Variants in USP34 observed in about 807,000 individuals in gnomAD.
USP34 encodes ubiquitin carboxyl-terminal hydrolase 34.
Under a neutral mutation model 460.3 loss-of-function variants are expected in USP34, and 70 were observed. That is an observed-to-expected ratio of 0.15 (90% confidence interval 0.13 to 0.19). USP34 has a LOEUF of 0.19. Ranked by LOEUF, USP34 falls within the 10% of genes least tolerant of loss-of-function variation. The pLI, the probability that USP34 is intolerant of heterozygous loss-of-function variation, is 1.00. For missense variants in USP34, 3,985 were observed against 4,236.2 expected (o/e 0.94, Z 1.65); for synonymous variants, 1,647 against 1,405.3 (o/e 1.17, Z -3.85).
In USP34 at chr2:61,256,326, T is replaced by C. The variant is rs926601722; in HGVS notation, c.6221+58A>G. 2.8e-6 allele frequency: 4 copies of C among 1,433,786 alleles called. No homozygotes were observed. In the African/African-American group the frequency reaches 4.2e-5, roughly 15 times the overall value. The allele number at this position is 1,433,786 out of a possible 1,614,324, so 88.8% of individuals were successfully genotyped here. On this transcript the variant is annotated intron_variant, in intron 48 of 79. Coordinates refer to ENST00000398571, the MANE Select transcript of USP34 (RefSeq NM_014709.4). Reference sequence around the variant, plus strand: ...CCAAAGTTTAATCTTAGTTTACCCTTAGTTTGTCTTTCACTTCTACGGTGA... The same window carrying C: ...CCAAAGTTTAATCTTAGTTTACCCTCAGTTTGTCTTTCACTTCTACGGTGA...
chr2:61,268,070 A>G (rs373853830), intron 41 of USP34, among the ~76,000 whole-genome samples: 2 of 152,228 alleles, frequency 1.3e-5, no homozygotes, highest in East Asian at 3.9e-4. Context: ...TTATTTTTAT[A>G]AGCCTTTCAC....
chr2:61,397,439 T>C (rs1168762678), intron 3 of USP34, among the ~76,000 whole-genome samples: 2 of 100,814 alleles, frequency 2.0e-5, no homozygotes, highest in East Asian at 6.6e-4. Flanking sequence ...TGAGGCTCCA[T>C]CTAAAAAAAA....
intron 76 of USP34, chr2:61,191,406 A>G (rs571292252): frequency 2.4e-4 from 37 of 151,976 alleles, no homozygotes; most frequent in South Asian, 8.3e-4. Flanking sequence ...ATATATATAT[A>G]TGCATATGTG....
At chr2:61,328,722 A>G (rs1300717334) in intron 20 of USP34, among the ~76,000 whole-genome samples, 2 of 152,196 alleles carry the variant, frequency 1.3e-5, no homozygotes, top group African/African-American at 4.8e-5. Flanking sequence ...TTCCACTAAC[A>G]AAGTGAGTAA....
chr2:61,410,175 T>C (rs1693997486), intron 2 of USP34, among the ~76,000 whole-genome samples: 1 of 152,174 alleles, frequency 6.6e-6, no homozygotes, highest in South Asian at 2.1e-4. Flanking sequence ...TATAATGAAA[T>C]AATTCTACAA....
intron 8 of USP34, among the ~76,000 whole-genome samples, chr2:61,376,035 T>C (rs139872784): frequency 7.2e-5 from 11 of 151,940 alleles, no homozygotes; most frequent in Non-Finnish European, 1.6e-4. Context: ...AGACAGAAAG[T>C]AGATTAGTGA....
chr2:61,470,799 G>T lies in USP34; in HGVS notation c.-107C>A. 1.1e-6 allele frequency: 1 copy of T among 882,784 alleles called. No individual in the cohort carries two copies. The highest frequency in any genetic ancestry group is 1.7e-6 in the Non-Finnish European group (1 of 576,366). The allele number at this position is 882,784 out of a possible 1,614,324, so 54.7% of individuals were successfully genotyped here. On this transcript the variant is annotated 5_prime_UTR_variant, in exon 1 of 80. Transcript: ENST00000398571. ...GAGGAGGGGGCCGGCCGGCCGGCGG[G>T]GCGGGGAGGCGACTAGGGCGGGCGG...
intron 43 of USP34, among the ~76,000 whole-genome samples, chr2:61,261,042 C>A (rs748890609): frequency 6.6e-6 from 1 of 152,240 alleles, no homozygotes; most frequent in Admixed American, 6.5e-5. Context: ...GCAAGGACGT[C>A]GAGAAATTAA....
chr2:61,439,718 CTG>C (rs1694912767), intron 1 of USP34, among the ~76,000 whole-genome samples: 1 of 152,150 alleles, frequency 6.6e-6, no homozygotes, highest in Non-Finnish European at 1.5e-5. Flanking sequence ...ACTTGCTGAC[CTG>C]TGACCCTTGC....
chr2:61,386,837 G>A (rs1050134645), intron 5 of USP34, among the ~76,000 whole-genome samples: 1 of 152,072 alleles, frequency 6.6e-6, no homozygotes, highest in Admixed American at 6.6e-5. Flanking sequence ...TGGCCTTAGA[G>A]TTAAAAATGA....
chr2:61,465,465 TAA>T (rs1447380544), intron 1 of USP34, among the ~76,000 whole-genome samples: 1 of 152,220 alleles, frequency 6.6e-6, no homozygotes, highest in African/African-American at 2.4e-5. Flanking sequence ...CATTCCACAT[TAA>T]GTCCTTACTC....
chr2:61,420,954 C>A, intron 1 of USP34, 121 bp from the exon 2 acceptor site: 51 of 588,116 alleles, frequency 8.7e-5, no homozygotes, highest in Non-Finnish European at 8.2e-5. Context: ...CTTTTGCTTC[C>A]AAAGAAAATA....
At chr2:61,407,446 G>A (rs1417108274) in intron 2 of USP34, among the ~76,000 whole-genome samples, 3 of 152,202 alleles carry the variant, frequency 2.0e-5, no homozygotes, top group African/African-American at 7.2e-5. Context: ...TGTACCAGAT[G>A]ACAGCTAAGC....
Position 61,454,860 on chromosome 2 carries a change from TTTTTTTTTTC to T in USP34, c.43+15780_43+15789del, listed in dbSNP as rs1329436624. 9.7e-3 allele frequency among the ~76,000 whole-genome samples: 718 copies of T among 74,228 alleles called. 8 individuals carry two copies. The highest frequency in any genetic ancestry group is 0.035 in the African/African-American group (628 of 18,106). The allele number at this position is 74,228 out of a possible 152,430, so 48.7% of individuals were successfully genotyped here. A position where few individuals can be genotyped will look rare whatever the true frequency, so the allele number is the denominator to read the frequency against. ...GCCACACCCAGCAAATATAGTGGGG[TTTTTTTTTTC>T]TTTTTTTTTTTTTTTGGTTGTTTAT... On this transcript the variant is annotated intron_variant, in intron 1 of 79. Coordinates refer to ENST00000398571, the MANE Select transcript of USP34 (RefSeq NM_014709.4).
At chr2:61,352,947 A>C (rs1486373752) in intron 10 of USP34, among the ~76,000 whole-genome samples, 2 of 152,190 alleles carry the variant, frequency 1.3e-5, no homozygotes, top group Admixed American at 6.6e-5. Context: ...CCAAGACAAA[A>C]AATGTACTAG....
intron 67 of USP34, among the ~76,000 whole-genome samples, chr2:61,215,603 C>CTGGA (rs953154283): frequency 6.6e-6 from 1 of 152,130 alleles, no homozygotes; most frequent in Non-Finnish European, 1.5e-5. Flanking sequence ...CACAATGACC[C>CTGGA]TGGATGGAGG....
chr2:61,236,660 T>G (rs932391362), intron 53 of USP34, among the ~76,000 whole-genome samples: 10 of 152,290 alleles, frequency 6.6e-5, no homozygotes, highest in African/African-American at 2.4e-4. Context: ...GAAATCCTAT[T>G]TGAAGAGCAA....
At chr2:61,404,074 T>G (rs754268859) in intron 3 of USP34, among the ~76,000 whole-genome samples, 1 of 142,606 alleles carries the variant, frequency 7.0e-6, no homozygotes, top group Admixed American at 7.2e-5. Context: ...GAGGGCCAAG[T>G]AGGTGACTTG....
chr2:61,390,164 TTC>T (rs1693298456), intron 5 of USP34, among the ~76,000 whole-genome samples: 1 of 152,238 alleles, frequency 6.6e-6, no homozygotes, highest in African/African-American at 2.4e-5. Context: ...TTGTGTGAAG[TTC>T]TTTTTATTAA....
Sources: gnomAD v4.1 joint callset for allele counts (sites outside exome capture counted in the v4.1 genomes callset) on GRCh38, gnomAD v4.1.1 for gene constraint, MANE v1.5 for transcripts, NCBI Gene and HGNC (gene_info 2026-07-23, HGNC 2026-07-21) for gene names.